Variants in CAMKMT observed in about 807,000 individuals in gnomAD.
CAMKMT encodes calmodulin-lysine N-methyltransferase.
In CAMKMT, 53 loss-of-function variants were observed where a neutral mutation model predicts 48.0. The observed-to-expected ratio is 1.10, with a 90% CI of 0.89 to 1.39. CAMKMT has a LOEUF of 1.39. Among genes scored for constraint, CAMKMT ranks in the 40% most tolerant of loss-of-function variants. CAMKMT has a pLI of 0.00. For missense variants in CAMKMT, 428 were observed against 402.7 expected (o/e 1.06, Z -0.54); for synonymous variants, 165 against 152.3 (o/e 1.08, Z -0.61).
intron 3 of CAMKMT, among the ~76,000 whole-genome samples, chr2:44,589,920 AAAAAAT>A (rs1670158170): frequency 2.3e-5 from 2 of 86,340 alleles, no homozygotes; most frequent in Non-Finnish European, 5.2e-5. Flanking sequence ...AACGAAAAAA[AAAAAAT>A]TTTAATTTCC....
At chr2:44,405,225 A>C (rs950460678) in intron 3 of CAMKMT, among the ~76,000 whole-genome samples, 1 of 152,144 alleles carries the variant, frequency 6.6e-6, no homozygotes, top group Non-Finnish European at 1.5e-5. Context: ...TCATAAAGAC[A>C]GATGAGCAAG....
At chr2:44,664,489 A>T (rs1674851397) in intron 3 of CAMKMT, among the ~76,000 whole-genome samples, 1 of 152,260 alleles carries the variant, frequency 6.6e-6, no homozygotes, top group Admixed American at 6.5e-5. Context: ...TGTAATAGAC[A>T]TGTTCGGTAA....
In CAMKMT at chr2:44,370,867, A is replaced by G. The variant is rs1009508010; in HGVS notation, c.139-1849A>G. Among the ~76,000 whole-genome samples the G allele has an allele frequency of 2.6e-5, 4 of 152,144 alleles. No homozygotes were observed. The East Asian group carries it at 5.8e-4, about 22-fold the overall frequency. On this transcript the variant is annotated intron_variant, in intron 1 of 10. Coordinates refer to ENST00000378494, the MANE Select transcript of CAMKMT (RefSeq NM_024766.5). ...ACTCTGTTCCCCAATTTGGAGTGCA[A>G]TGGCTTCATCATTGCTCACTACAAC...
At chr2:44,399,879 TATC>T (rs1682205290) in intron 3 of CAMKMT, among the ~76,000 whole-genome samples, 1 of 152,194 alleles carries the variant, frequency 6.6e-6, no homozygotes, top group Non-Finnish European at 1.5e-5. Context: ...CAGTTGTTCT[TATC>T]ATAATTATTA....
intron 2 of CAMKMT, among the ~76,000 whole-genome samples, chr2:44,379,905 A>T (rs372885652): frequency 6.6e-5 from 10 of 150,684 alleles, no homozygotes; most frequent in African/African-American, 2.4e-4. Flanking sequence ...ATTTGCAAAT[A>T]TTTTCTCCTA....
intron 3 of CAMKMT, among the ~76,000 whole-genome samples, chr2:44,593,353 A>G (rs904722970): frequency 2.6e-5 from 4 of 152,196 alleles, no homozygotes; most frequent in African/African-American, 2.4e-5. Flanking sequence ...GTGCTTATCA[A>G]TACTCTGATG....
chr2:44,594,264 C>T (rs1670508733), intron 3 of CAMKMT, among the ~76,000 whole-genome samples: 2 of 152,060 alleles, frequency 1.3e-5, no homozygotes, highest in African/African-American at 4.8e-5. Flanking sequence ...TCAATGCTAT[C>T]CCCATCAAGC....
intron 3 of CAMKMT, among the ~76,000 whole-genome samples, chr2:44,577,709 G>C (rs536869340): frequency 6.6e-6 from 1 of 151,830 alleles, no homozygotes; most frequent in Non-Finnish European, 1.5e-5. Flanking sequence ...GAGAGGGAGA[G>C]GGAGATGGAG....
intron 3 of CAMKMT, among the ~76,000 whole-genome samples, chr2:44,695,491 C>G (rs1298566407): frequency 6.6e-6 from 1 of 152,164 alleles, no homozygotes; most frequent in African/African-American, 2.4e-5. Context: ...CTAAAATGTA[C>G]TCTGGAAGAG....
intron 7 of CAMKMT, among the ~76,000 whole-genome samples, chr2:44,724,287 A>C (rs928912196): frequency 2.6e-5 from 4 of 152,176 alleles, no homozygotes; most frequent in Non-Finnish European, 5.9e-5. Flanking sequence ...CTCTCTTAAA[A>C]ATTTTTTAAA....
chr2:44,708,574 A>G (rs1254625763), intron 6 of CAMKMT, among the ~76,000 whole-genome samples: 1 of 152,162 alleles, frequency 6.6e-6, no homozygotes, highest in Non-Finnish European at 1.5e-5. Flanking sequence ...ACACAAGGGA[A>G]GGAGATCACA....
At chr2:44,503,276 G>A (rs1027722796) in intron 3 of CAMKMT, among the ~76,000 whole-genome samples, 3 of 152,060 alleles carry the variant, frequency 2.0e-5, no homozygotes, top group Non-Finnish European at 4.4e-5. Flanking sequence ...ACCTTTGTTA[G>A]AAACTTTGCA....
chr2:44,411,246 A>G (rs533783676), intron 3 of CAMKMT, among the ~76,000 whole-genome samples: 3 of 152,354 alleles, frequency 2.0e-5, no homozygotes, highest in African/African-American at 7.2e-5. Context: ...TATTCTGGCT[A>G]GCTGAGCATT....
chr2:44,609,298 C>G (rs1671468983), intron 3 of CAMKMT, among the ~76,000 whole-genome samples: 1 of 152,116 alleles, frequency 6.6e-6, no homozygotes, highest in African/African-American at 2.4e-5. Context: ...AGTGTGGTTA[C>G]CATAGTTAAT....
chr2:44,694,822 A>G (rs1476046369), intron 3 of CAMKMT, among the ~76,000 whole-genome samples: 3 of 152,230 alleles, frequency 2.0e-5, no homozygotes, highest in Admixed American at 1.3e-4. Flanking sequence ...TAGATATGCA[A>G]GTATAGTGTA....
intron 3 of CAMKMT, among the ~76,000 whole-genome samples, chr2:44,442,974 TC>T (rs1257721872): frequency 6.6e-6 from 1 of 152,228 alleles, no homozygotes; most frequent in Non-Finnish European, 1.5e-5. Context: ...ACCAGCCTTT[TC>T]TTTTGTGCTG....
chr2:44,599,000 G>T (rs142960953), intron 3 of CAMKMT, among the ~76,000 whole-genome samples: 1 of 151,882 alleles, frequency 6.6e-6, no homozygotes, highest in South Asian at 2.1e-4. Context: ...CACCTATTTC[G>T]TATGTCTTTA....
chr2:44,639,214 T>C (rs1673312116), intron 3 of CAMKMT, among the ~76,000 whole-genome samples: 1 of 152,232 alleles, frequency 6.6e-6, no homozygotes, highest in South Asian at 2.1e-4. Context: ...CAGAAATAAC[T>C]AGTCAGTGGG....
At chr2:44,743,518 C>A in intron 7 of CAMKMT, 104 bp from the exon 8 acceptor site, 4 of 755,786 alleles carry the variant, frequency 5.3e-6, no homozygotes, top group Non-Finnish European at 8.9e-6. Context: ...TTGTATATAC[C>A]TTTTAAATAA....
Sources: allele counts gnomAD v4.1 joint callset (sites outside exome capture counted in the v4.1 genomes callset), GRCh38; gene constraint gnomAD v4.1.1; transcripts MANE v1.5; gene names NCBI Gene and HGNC (gene_info 2026-07-23, HGNC 2026-07-21).